The following SDK1 variants were observed in gnomAD, a reference collection of about 807,000 sequenced individuals.
The protein encoded by SDK1 is sidekick cell adhesion molecule 1.
Under a neutral mutation model 245.5 loss-of-function variants are expected in SDK1, and 157 were observed. The observed-to-expected ratio is 0.64, with a 90% CI of 0.56 to 0.73. The LOEUF is 0.73. Ranked by LOEUF, SDK1 falls within the 30% of genes least tolerant of loss-of-function variation. The probability of loss-of-function intolerance (pLI) is 0.00; values close to 1 mark genes in which losing one functional copy is unlikely to be tolerated. For missense variants in SDK1, 3,583 were observed against 3,002.3 expected, an observed-to-expected ratio of 1.19 and a Z score of -4.52; for synonymous variants, 1,647 against 1,278.5, an observed-to-expected ratio of 1.29 and a Z score of -6.15.
chr7:3,359,791 T>G (rs11983447), intron 1 of SDK1, among the ~76,000 whole-genome samples: 1 of 151,484 alleles, frequency 6.6e-6, no homozygotes, highest in East Asian at 2.0e-4. Flanking sequence ...GGATGTGACA[T>G]TCCAGGGCAT....
intron 1 of SDK1, among the ~76,000 whole-genome samples, chr7:3,595,574 T>C (rs1269058082): frequency 2.6e-5 from 4 of 152,096 alleles, no homozygotes; most frequent in Non-Finnish European, 4.4e-5. Flanking sequence ...CTATTCATTT[T>C]TAGTTTACAT....
chr7:4,010,906 C>T (rs1562663428), intron 14 of SDK1, 60 bp from the exon 15 acceptor site: 1 of 1,564,420 alleles, frequency 6.4e-7, no homozygotes, highest in East Asian at 2.2e-5. Flanking sequence ...TTGCATTCAC[C>T]TCTTATTATT....
chr7:3,959,385 A>G (rs1052719726), intron 8 of SDK1, among the ~76,000 whole-genome samples: 3 of 152,004 alleles, frequency 2.0e-5, no homozygotes, highest in African/African-American at 4.8e-5. Flanking sequence ...CCATGGGGTG[A>G]CTAGGACTGG....
intron 22 of SDK1, among the ~76,000 whole-genome samples, chr7:4,098,239 G>A (rs532202429): frequency 3.9e-5 from 6 of 152,260 alleles, no homozygotes; most frequent in East Asian, 1.9e-4. Context: ...TGCCGCATAC[G>A]TGACAACTCA....
At chr7:3,795,346 T>G (rs1450346115) in intron 4 of SDK1, among the ~76,000 whole-genome samples, 2 of 152,142 alleles carry the variant, frequency 1.3e-5, no homozygotes, top group Non-Finnish European at 2.9e-5. Context: ...GACTTGGCTT[T>G]CAGTACACCC....
chr7:3,522,460 A>G (rs1782971516), intron 1 of SDK1, among the ~76,000 whole-genome samples: 2 of 152,188 alleles, frequency 1.3e-5, no homozygotes, highest in Non-Finnish European at 2.9e-5. Context: ...ACAGCTTAAA[A>G]TAACTCACGT....
chr7:3,685,910 T>C (rs145015978), intron 4 of SDK1, among the ~76,000 whole-genome samples: 2 of 152,110 alleles, frequency 1.3e-5, no homozygotes, highest in African/African-American at 4.8e-5. Context: ...TCAATAATTA[T>C]GTTAAATGTA....
intron 2 of SDK1, among the ~76,000 whole-genome samples, chr7:3,626,939 T>C (rs1782141163): frequency 6.6e-6 from 1 of 152,044 alleles, no homozygotes. Flanking sequence ...TTTTTTTTTT[T>C]TATTTTGAGA....
At position 3,655,366 on chromosome 7, in the gene SDK1, G is replaced by C. The variant is rs193220689; in HGVS notation, c.713+13261G>C. ...GAGAATCACTTGAACCCAGGAGGTGGAGGTTGCGGTGAGCCGAGATCGCAG... is the reference window on the plus strand; with the variant it reads ...GAGAATCACTTGAACCCAGGAGGTGCAGGTTGCGGTGAGCCGAGATCGCAG... On this transcript the variant is annotated intron_variant, in intron 4 of 44. Coordinates refer to ENST00000404826, the MANE Select transcript of SDK1 (RefSeq NM_152744.4). Among the ~76,000 whole-genome samples, 748 of 149,048 alleles carry C rather than the reference G, an allele frequency of 5.0e-3. 10 individuals are homozygous for C. The highest frequency in any genetic ancestry group is 4.5e-3 in the Non-Finnish European group (304 of 67,484).
At chr7:3,991,601 CAG>C (rs1784332642) in intron 14 of SDK1, among the ~76,000 whole-genome samples, 1 of 152,196 alleles carries the variant, frequency 6.6e-6, no homozygotes, top group Non-Finnish European at 1.5e-5. Context: ...CAGAAGGGGA[CAG>C]AGAACGTCAG....
intron 4 of SDK1, among the ~76,000 whole-genome samples, chr7:3,801,870 T>C (rs1022589965): frequency 6.6e-6 from 1 of 152,202 alleles, no homozygotes; most frequent in Middle Eastern, 3.2e-3. Context: ...ACTCCAACAT[T>C]TGTGTCTCCC....
At chr7:3,866,827 T>A (rs900695328) in intron 5 of SDK1, among the ~76,000 whole-genome samples, 1 of 152,168 alleles carries the variant, frequency 6.6e-6, no homozygotes, top group African/African-American at 2.4e-5. Context: ...AAGGACAGAC[T>A]GTGAAGGACT....
At chr7:3,454,893 A>T (rs1225714405) in intron 1 of SDK1, among the ~76,000 whole-genome samples, 1 of 152,216 alleles carries the variant, frequency 6.6e-6, no homozygotes, top group Non-Finnish European at 1.5e-5. Context: ...GTTCAGTATT[A>T]TAAGAAACTG....
At position 3,501,744 on chromosome 7, in the gene SDK1, A is replaced by T. The variant is rs187537691; in HGVS notation, c.299-117336A>T. 3.7e-3 allele frequency among the ~76,000 whole-genome samples: 556 copies of T among 152,238 alleles called. 1 individual carries two copies. The highest frequency in any genetic ancestry group is 6.6e-3 in the Non-Finnish European group (449 of 68,006). On this transcript the variant is annotated intron_variant, in intron 1 of 44. Coordinates refer to ENST00000404826, the MANE Select transcript of SDK1 (RefSeq NM_152744.4). ...TAATGTTTTTATTTTTTGTTGAAGT[A>T]TGTGCAGTATTTTGGACTTTTTCCA...
intron 4 of SDK1, among the ~76,000 whole-genome samples, chr7:3,682,772 G>C (rs529842473): frequency 6.6e-6 from 1 of 151,292 alleles, no homozygotes; most frequent in African/African-American, 2.4e-5. Flanking sequence ...ATCTGATGGA[G>C]TTTTGCACTG....
chr7:3,573,523 C>T (rs968283607), intron 1 of SDK1, among the ~76,000 whole-genome samples: 6 of 152,122 alleles, frequency 3.9e-5, no homozygotes, highest in African/African-American at 1.4e-4. Context: ...TGAGAAACAA[C>T]AGCCTCCACG....
At chr7:3,828,974 G>A (rs1254931343) in intron 5 of SDK1, among the ~76,000 whole-genome samples, 1 of 151,988 alleles carries the variant, frequency 6.6e-6, no homozygotes, top group African/African-American at 2.4e-5. Flanking sequence ...AAGTTTATAC[G>A]CATAGTTTTT....
chr7:3,962,547 C>T, intron 8 of SDK1, 110 bp from the exon 9 acceptor site: 1 of 988,056 alleles, frequency 1.0e-6, no homozygotes, highest in Non-Finnish European at 1.5e-6. Flanking sequence ...CACGAATACA[C>T]AAGAAAATGC....
Position 4,153,825 on chromosome 7 carries a change from T to C in SDK1, c.4625+4362T>C, listed in dbSNP as rs78839910. Among the ~76,000 whole-genome samples, 108 of 150,096 alleles carry C rather than the reference T, an allele frequency of 7.2e-4. No homozygotes were observed. The East Asian group carries it at 0.02, about 28-fold the overall frequency. ...CCGGGTAGCTAAGACTACAGGCATA[T>C]GCTATCGTGCCTGGCTAATGTTTAA... On this transcript the variant is annotated intron_variant, in intron 30 of 44. Coordinates refer to ENST00000404826, the MANE Select transcript of SDK1 (RefSeq NM_152744.4).
Sources: gnomAD v4.1 joint callset for allele counts (sites outside exome capture counted in the v4.1 genomes callset) on GRCh38, gnomAD v4.1.1 for gene constraint, MANE v1.5 for transcripts, NCBI Gene and HGNC (gene_info 2026-07-23, HGNC 2026-07-21) for gene names.